Variants in SETBP1 observed in about 807,000 individuals in gnomAD.
SETBP1 encodes the protein SET-binding protein.
A neutral mutation model predicts 101.0 loss-of-function variants in SETBP1; 9 were observed. The ratio of observed to expected loss-of-function variants is 0.09; its 90% CI spans 0.05 to 0.16. The LOEUF (loss-of-function observed/expected upper bound fraction) is 0.16. Among genes scored for constraint, SETBP1 ranks in the 10% least tolerant of loss-of-function variants. SETBP1 has a pLI of 1.00. For missense variants in SETBP1, 1,858 were observed against 2,033.8 expected (o/e 0.91, Z 1.66); for synonymous variants, 818 against 788.5 (o/e 1.04, Z -0.63).
At chr18:44,825,033 A>G (rs1002455640) in intron 2 of SETBP1, among the ~76,000 whole-genome samples, 17 of 152,334 alleles carry the variant, frequency 1.1e-4, no homozygotes, top group Admixed American at 9.1e-4. Flanking sequence ...CTAAACATAT[A>G]GAGTTACTTT....
At chr18:44,710,941 C>G (rs1175607230) in intron 2 of SETBP1, among the ~76,000 whole-genome samples, 1 of 152,118 alleles carries the variant, frequency 6.6e-6, no homozygotes, top group Admixed American at 6.5e-5. Flanking sequence ...GAGAGGAGGG[C>G]AGGAGTTAAG....
chr18:44,937,744 A>G (rs2070995889), intron 3 of SETBP1, among the ~76,000 whole-genome samples: 1 of 152,114 alleles, frequency 6.6e-6, no homozygotes. Flanking sequence ...GCCCCATCTC[A>G]GACTTCCAAA....
intron 2 of SETBP1, among the ~76,000 whole-genome samples, chr18:44,767,619 C>T (rs2070786236): frequency 1.3e-5 from 2 of 152,148 alleles, no homozygotes; most frequent in African/African-American, 2.4e-5. Flanking sequence ...ATGTGATATG[C>T]GTTATTAGCT....
chr18:44,770,626 T>G (rs973058852), intron 2 of SETBP1, among the ~76,000 whole-genome samples: 1 of 152,208 alleles, frequency 6.6e-6, no homozygotes, highest in African/African-American at 2.4e-5. Flanking sequence ...GCAAAACATT[T>G]TTCAGCCTTA....
chr18:44,853,628 A>C (rs1469633705), intron 2 of SETBP1, among the ~76,000 whole-genome samples: 4 of 152,236 alleles, frequency 2.6e-5, no homozygotes, highest in Non-Finnish European at 2.9e-5. Context: ...TGCAGAACAC[A>C]CTGCCCCATC....
intron 2 of SETBP1, among the ~76,000 whole-genome samples, chr18:44,763,135 AATAGAG>A (rs1189413465): frequency 1.2e-4 from 18 of 152,220 alleles, no homozygotes; most frequent in African/African-American, 3.9e-4. Context: ...CTAAAAATTA[AATAGAG>A]ATAGGGAGGG....
chr18:44,694,496 G>A (rs565124945), intron 1 of SETBP1, among the ~76,000 whole-genome samples: 3 of 152,294 alleles, frequency 2.0e-5, no homozygotes, highest in Non-Finnish European at 4.4e-5. Flanking sequence ...ACAGACATGC[G>A]CCACCGCACT....
intron 2 of SETBP1, among the ~76,000 whole-genome samples, chr18:44,801,302 G>A (rs558782262): frequency 6.5e-4 from 99 of 152,202 alleles, no homozygotes; most frequent in African/African-American, 2.3e-3. Context: ...TTAAGTAGGG[G>A]CAGGACAAGA....
At chr18:44,928,716 C>CA (rs1439845392) in intron 3 of SETBP1, among the ~76,000 whole-genome samples, 1 of 152,212 alleles carries the variant, frequency 6.6e-6, no homozygotes, top group African/African-American at 2.4e-5. Context: ...CTGCTGGCTG[C>CA]ATAAATGTCT....
At chr18:44,995,255 C>T (rs924607570) in intron 4 of SETBP1, among the ~76,000 whole-genome samples, 2 of 150,574 alleles carry the variant, frequency 1.3e-5, no homozygotes, top group Admixed American at 1.3e-4. Context: ...CATTCTCCTG[C>T]CTCAGCCTCC....
chr18:45,061,861 G>A (rs1035134711), intron 5 of SETBP1, among the ~76,000 whole-genome samples: 6 of 152,236 alleles, frequency 3.9e-5, no homozygotes, highest in Non-Finnish European at 5.9e-5. Flanking sequence ...TTCCCTCTAT[G>A]CGTAGGTCTT....
chr18:44,940,274 T>G (rs898906689), intron 3 of SETBP1, among the ~76,000 whole-genome samples: 1 of 152,184 alleles, frequency 6.6e-6, no homozygotes, highest in Non-Finnish European at 1.5e-5. Flanking sequence ...AAAGTGTATC[T>G]CCTATAAGCA....
chr18:44,977,496 G>A lies in SETBP1; in HGVS notation c.4000+24156G>A, dbSNP rs532073979. Among the ~76,000 whole-genome samples the A allele has an allele frequency of 8.5e-5, 13 of 152,362 alleles. No individual in the cohort carries two copies. In the South Asian group the frequency reaches 2.5e-3, roughly 29 times the overall value. ...TGCTTTTTGATGGATGAATTGGATT[G>A]TGAATAAAATGCTGCCTTCCAGGCA... On this transcript the variant is annotated intron_variant, in intron 4 of 5. Transcript: ENST00000649279.
intron 4 of SETBP1, among the ~76,000 whole-genome samples, chr18:44,982,326 A>G (rs1357951793): frequency 6.6e-6 from 1 of 152,242 alleles, no homozygotes. Flanking sequence ...GAAGATCCAC[A>G]CACCTTGGCT....
intron 2 of SETBP1, among the ~76,000 whole-genome samples, chr18:44,754,472 T>C (rs956846224): frequency 6.6e-6 from 1 of 152,234 alleles, no homozygotes. Flanking sequence ...TATTTCTATT[T>C]TGTATCATCA....
intron 2 of SETBP1, among the ~76,000 whole-genome samples, chr18:44,806,352 T>C (rs2071736036): frequency 6.6e-6 from 1 of 152,202 alleles, no homozygotes; most frequent in Non-Finnish European, 1.5e-5. Context: ...TGTCCCCTGC[T>C]AATGCATCAT....
intron 1 of SETBP1, among the ~76,000 whole-genome samples, chr18:44,695,207 G>C (rs1456560730): frequency 6.6e-6 from 1 of 152,072 alleles, no homozygotes; most frequent in Non-Finnish European, 1.5e-5. Context: ...TCTAAACTCA[G>C]AATTACAGGA....
chr18:44,720,467 A>G (rs918836238), intron 2 of SETBP1, among the ~76,000 whole-genome samples: 1 of 152,240 alleles, frequency 6.6e-6, no homozygotes, highest in African/African-American at 2.4e-5. Context: ...CCTAGTATGA[A>G]TGATGCCTGG....
intron 4 of SETBP1, among the ~76,000 whole-genome samples, chr18:44,994,281 A>G (rs2072444674): frequency 6.6e-6 from 1 of 152,174 alleles, no homozygotes; most frequent in Non-Finnish European, 1.5e-5. Flanking sequence ...TTATAATCAG[A>G]TTATAGGATT....
Sources: gnomAD v4.1 joint callset for allele counts (sites outside exome capture counted in the v4.1 genomes callset) on GRCh38, gnomAD v4.1.1 for gene constraint, MANE v1.5 for transcripts, NCBI Gene and HGNC (gene_info 2026-07-23, HGNC 2026-07-21) for gene names.